The following DCUN1D4 variants were observed in gnomAD, a reference collection of about 807,000 sequenced individuals.
DCUN1D4 encodes the protein DCN1-like protein 4.
DCUN1D4 carries 22 observed loss-of-function variants against 47.9 expected under a neutral mutation model. The observed-to-expected ratio is 0.46, with a 90% CI of 0.33 to 0.66. The LOEUF is 0.66. DCUN1D4 is among the 30% of genes least tolerant of loss of function. DCUN1D4 has a pLI of 0.02. For missense variants in DCUN1D4, 301 were observed against 340.8 expected, an observed-to-expected ratio of 0.88 and a Z score of 0.92; for synonymous variants, 121 against 112.2, an observed-to-expected ratio of 1.08 and a Z score of -0.50.
chr4:51,857,570 G>T (rs1267230495), intron 1 of DCUN1D4, among the ~76,000 whole-genome samples: 4 of 152,158 alleles, frequency 2.6e-5, no homozygotes, highest in African/African-American at 9.7e-5. Flanking sequence ...TTGATGTGGG[G>T]ATTATGTTTG....
chr4:51,844,484 GGGGTCGGGCCCTGATGGCC>G, intron 1 of DCUN1D4: 1 of 886,930 alleles, frequency 1.1e-6, no homozygotes, highest in Middle Eastern at 5.7e-4. Flanking sequence ...GGGAGCCGGA[GGGGTCGGGCCCTGATGGCC>G]GGGTCGGGGG....
chr4:51,901,043 G>A (rs956434072), intron 8 of DCUN1D4, among the ~76,000 whole-genome samples: 5 of 152,066 alleles, frequency 3.3e-5, no homozygotes, highest in Non-Finnish European at 5.9e-5. Context: ...CCTCACCGGT[G>A]GAGGCCTTGC....
intron 7 of DCUN1D4, among the ~76,000 whole-genome samples, chr4:51,892,384 C>G (rs1578000481): frequency 6.6e-6 from 1 of 152,148 alleles, no homozygotes; most frequent in East Asian, 1.9e-4. Flanking sequence ...GCTCAGTAGT[C>G]ACATGTGGCC....
rs1578080034 is a variant in DCUN1D4, at chr4:51,916,514, T to C, written c.*2930T>C. Reference sequence around the variant, plus strand: ...CCTTATCCTTTATTCTTTCATATGTTGTATAATAAATGTATAGATTTCATT... The same window carrying C: ...CCTTATCCTTTATTCTTTCATATGTCGTATAATAAATGTATAGATTTCATT... On this transcript the variant is annotated 3_prime_UTR_variant, in exon 11 of 11. Transcript: ENST00000334635. 1 of 152,586 alleles carries C rather than the reference T, an allele frequency of 6.6e-6. No individual in the cohort carries two copies. The highest frequency in any genetic ancestry group is 2.4e-5 in the African/African-American group (1 of 41,444). 9.5% of individuals were successfully genotyped at this position (152,586 alleles called of 1,614,324 possible).
intron 1 of DCUN1D4, chr4:51,860,639 A>G: frequency 2.2e-6 from 1 of 455,410 alleles, no homozygotes. Flanking sequence ...CCACATGGCG[A>G]AAGCAGGAGC....
Position 51,913,644 on chromosome 4 carries a change from T to A in DCUN1D4, c.*60T>A. 5 of 1,488,460 alleles carry A rather than the reference T, an allele frequency of 3.4e-6. No homozygotes were observed. The highest frequency in any genetic ancestry group is 4.7e-6 in the Non-Finnish European group (5 of 1,070,754). The allele number at this position is 1,488,460 out of a possible 1,614,324, so 92.2% of individuals were successfully genotyped here. ...CCACAGTTTTGTCACCCATTAGCCATAAATTGCTGTTTGTATCAAAGCGCA... is the reference window on the plus strand; with the variant it reads ...CCACAGTTTTGTCACCCATTAGCCAAAAATTGCTGTTTGTATCAAAGCGCA... On this transcript the variant is annotated 3_prime_UTR_variant, in exon 11 of 11. Coordinates refer to ENST00000334635, the MANE Select transcript of DCUN1D4 (RefSeq NM_001040402.3).
intron 4 of DCUN1D4, among the ~76,000 whole-genome samples, chr4:51,877,222 A>T (rs1727849175): frequency 6.6e-6 from 1 of 152,216 alleles, no homozygotes; most frequent in Non-Finnish European, 1.5e-5. Flanking sequence ...CACCCAAGCG[A>T]CATTGTCTTT....
At chr4:51,892,816 A>G (rs1296259555) in intron 7 of DCUN1D4, among the ~76,000 whole-genome samples, 2 of 152,250 alleles carry the variant, frequency 1.3e-5, no homozygotes, top group Non-Finnish European at 2.9e-5. Context: ...AATTCTTAAC[A>G]TAGTAATTTT....
chr4:51,869,659 TG>T (rs1726562207), intron 3 of DCUN1D4, among the ~76,000 whole-genome samples: 1 of 152,172 alleles, frequency 6.6e-6, no homozygotes, highest in Non-Finnish European at 1.5e-5. Context: ...AAGAATAATG[TG>T]CTACGTAATT....
chr4:51,883,793 A>C (rs141446668), intron 5 of DCUN1D4, among the ~76,000 whole-genome samples: 1 of 151,942 alleles, frequency 6.6e-6, no homozygotes, highest in Non-Finnish European at 1.5e-5. Context: ...AGTGTTGTTA[A>C]AGAAGCTCTT....
rs1734165307 is a variant in DCUN1D4 at position 51,914,809 on chromosome 4, T to A, written c.*1225T>A. 6.8e-6 allele frequency: 1 copy of A among 146,884 alleles called. No homozygotes were observed. Among genetic ancestry groups the A allele is most frequent in the Admixed American group, 7.2e-5 (1 of 13,876 alleles). The allele number at this position is 146,884 out of a possible 1,614,324, so 9.1% of individuals were successfully genotyped here. ...GAATAAACAGAATGGTATTTTTAGG[T>A]TTGTATTTTATGTCTTTTTTTTTTT... On this transcript the variant is annotated 3_prime_UTR_variant, in exon 11 of 11. Coordinates refer to ENST00000334635, the MANE Select transcript of DCUN1D4 (RefSeq NM_001040402.3).
At chr4:51,912,557 G>T (rs909694528) in intron 9 of DCUN1D4, among the ~76,000 whole-genome samples, 6 of 152,174 alleles carry the variant, frequency 3.9e-5, no homozygotes, top group African/African-American at 7.2e-5. Flanking sequence ...TAGTGGGGAA[G>T]ATTTAAAAAT....
intron 5 of DCUN1D4, among the ~76,000 whole-genome samples, chr4:51,880,148 T>C (rs1728342873): frequency 6.6e-6 from 1 of 152,204 alleles, no homozygotes; most frequent in Admixed American, 6.5e-5. Flanking sequence ...TGTTTTCATT[T>C]TGTGTATCTC....
At chr4:51,908,877 C>T (rs2110132898) in intron 8 of DCUN1D4, 1 of 456,166 alleles carries the variant, frequency 2.2e-6, no homozygotes, top group East Asian at 7.0e-5. Context: ...TGCCACTATT[C>T]AGATTGTGAG....
chr4:51,851,803 A>G (rs1446798750), intron 1 of DCUN1D4, among the ~76,000 whole-genome samples: 2 of 152,178 alleles, frequency 1.3e-5, no homozygotes, highest in East Asian at 1.9e-4. Flanking sequence ...AGGGACTGTT[A>G]TTATCTCTGT....
intron 4 of DCUN1D4, chr4:51,875,018 C>G (rs1727453573): frequency 1.3e-5 from 2 of 152,186 alleles, no homozygotes; most frequent in Admixed American, 6.5e-5. Context: ...ACATCATTGT[C>G]TAGTCTTTTC....
chr4:51,901,399 A>G (rs1180583030), intron 8 of DCUN1D4, among the ~76,000 whole-genome samples: 1 of 152,184 alleles, frequency 6.6e-6, no homozygotes, highest in East Asian at 1.9e-4. Context: ...CAAGTCTAGT[A>G]TGTGGGTTAC....
At chr4:51,867,696 C>T (rs1279327011) in intron 3 of DCUN1D4, among the ~76,000 whole-genome samples, 2 of 152,158 alleles carry the variant, frequency 1.3e-5, no homozygotes, top group African/African-American at 4.8e-5. Context: ...AAAGCACGTG[C>T]TGATTGGTCC....
upstream of DCUN1D4, among the ~76,000 whole-genome samples, chr4:51,838,496 C>T (rs1721552352): frequency 6.6e-6 from 1 of 152,142 alleles, no homozygotes; most frequent in African/African-American, 2.4e-5. Flanking sequence ...ATCCTCCCAC[C>T]TCAGCCACCT....
Sources: allele counts gnomAD v4.1 joint callset (sites outside exome capture counted in the v4.1 genomes callset), GRCh38; gene constraint gnomAD v4.1.1; transcripts MANE v1.5; gene names NCBI Gene and HGNC (gene_info 2026-07-23, HGNC 2026-07-21).